The following TRIM37 variants were observed in gnomAD, a reference collection of about 807,000 sequenced individuals.
TRIM37 encodes E3 ubiquitin-protein ligase TRIM37.
A neutral mutation model predicts 129.8 loss-of-function variants in TRIM37; 80 were observed. The observed-to-expected ratio is 0.62, with a 90% CI of 0.51 to 0.74. The LOEUF (loss-of-function observed/expected upper bound fraction) is 0.74. TRIM37 is among the 30% of genes least tolerant of loss of function. The pLI is 0.00. For synonymous variants in TRIM37, 389 were observed against 387.1 expected, an observed-to-expected ratio of 1.00 and a Z score of -0.06; for missense variants, 1,054 against 1,176.5, an observed-to-expected ratio of 0.90 and a Z score of 1.52.
chr17:59,032,254 G>A lies in TRIM37; in HGVS notation c.1754-164C>T, dbSNP rs530316117. Among the ~76,000 whole-genome samples, 6 of 152,192 alleles carry A rather than the reference G, an allele frequency of 3.9e-5. No homozygotes were observed. In the East Asian group the frequency reaches 7.7e-4, roughly 20 times the overall value. Reference sequence around the variant, plus strand: ...GAAAGAAGGAACCAGGGCCGGGCGCGGTGGCTCACGCCTGTAATCCCAGCA... The same window carrying A: ...GAAAGAAGGAACCAGGGCCGGGCGCAGTGGCTCACGCCTGTAATCCCAGCA... On this transcript the variant is annotated intron_variant, in intron 17 of 23. Transcript: ENST00000262294.
At position 59,012,372 on chromosome 17, in the gene TRIM37, A is replaced by G; in HGVS notation, c.2651T>C (p.Leu884Ser). ...AGCTCCTTCAGGTAGTACAGGCTGT[A>G]ACTCTCCAGTTTCAGAATTATTTTC... ...DLENNSETGE[L>S]QPVLPEGASA... The change falls in exon 22 of 24, where the codon TTA (leucine) becomes TCA (serine). Residue 884 changes from leucine to serine, a missense_variant. Physicochemically the swap from Leu to Ser is moderately radical, Grantham distance 145. Transcript: ENST00000262294. 6.2e-7 allele frequency: 1 copy of G among 1,613,346 alleles called. No homozygotes were observed. The highest frequency in any genetic ancestry group is 8.5e-7 in the Non-Finnish European group (1 of 1,179,968).
intron 8 of TRIM37, among the ~76,000 whole-genome samples, chr17:59,073,745 G>A (rs886342808): frequency 3.3e-5 from 5 of 152,162 alleles, no homozygotes; most frequent in African/African-American, 1.2e-4. Context: ...GACTACAGGT[G>A]TACACCCCAT....
At position 59,032,726 on chromosome 17, in the gene TRIM37, G is replaced by A. The variant is rs150205338; in HGVS notation, c.1754-636C>T. ...TGAGAGGTAAGGGTAAGGAGAAGGAGATTATATCCCATGACCACCTGGTTT... is the reference window on the plus strand; with the variant it reads ...TGAGAGGTAAGGGTAAGGAGAAGGAAATTATATCCCATGACCACCTGGTTT... On this transcript the variant is annotated intron_variant, in intron 17 of 23. Coordinates refer to ENST00000262294, the MANE Select transcript of TRIM37 (RefSeq NM_015294.6). Among the ~76,000 whole-genome samples, 140 of 152,130 alleles carry A rather than the reference G, an allele frequency of 9.2e-4. 3 individuals are homozygous for A. Among genetic ancestry groups the A allele is most frequent in the African/African-American group, 3.2e-3 (131 of 41,502 alleles).
At position 59,044,649 on chromosome 17, in the gene TRIM37, A is replaced by G. The variant is rs527295273; in HGVS notation, c.1668-2751T>C. ...TATTCTGTATACAATAGAGTATAACAACTACTTACATAGCATTTGCATTGT... is the reference window on the plus strand; with the variant it reads ...TATTCTGTATACAATAGAGTATAACGACTACTTACATAGCATTTGCATTGT... On this transcript the variant is annotated intron_variant, in intron 16 of 23. Coordinates refer to ENST00000262294, the MANE Select transcript of TRIM37 (RefSeq NM_015294.6). Among the ~76,000 whole-genome samples the G allele has an allele frequency of 2.4e-4, 37 of 152,380 alleles. 1 individual carries two copies. The South Asian group carries it at 6.6e-3, about 27-fold the overall frequency.
In TRIM37 at chr17:59,075,694, G is replaced by A. The variant is rs1160862100; in HGVS notation, c.637C>T (p.Gln213Ter). 6.2e-7 allele frequency: 1 copy of A among 1,610,956 alleles called. No individual in the cohort carries two copies. The highest frequency in any genetic ancestry group is 2.2e-5 in the East Asian group (1 of 44,858). The change falls in exon 8 of 24, where the codon CAA becomes TAA. Residue 213 changes from glutamine (Q) to a stop codon, truncating the protein, a stop_gained. Transcript: ENST00000262294. LOFTEE classifies it high-confidence loss of function. ...TLMGQKTSLTQETELLESLLQ... is the reference protein window; with the variant it reads ...TLMGQKTSLT ...AAGGATTCCAAAAGCTCTGTTTCTT[G>A]GGTTAGAGATGTCTTCTGACCTGAT...
At chr17:59,028,888 A>C (rs1031174966) in intron 18 of TRIM37, among the ~76,000 whole-genome samples, 165 bp from the exon 19 acceptor site, 1 of 152,256 alleles carries the variant, frequency 6.6e-6, no homozygotes, top group African/African-American at 2.4e-5. Context: ...AAAGATAAAG[A>C]ATCCTACCTT....
intron 2 of TRIM37, among the ~76,000 whole-genome samples, chr17:59,103,088 G>A (rs1599607630): frequency 1.3e-5 from 2 of 151,720 alleles, no homozygotes; most frequent in Non-Finnish European, 2.9e-5. Flanking sequence ...GGTCAGGATG[G>A]TCTCGAACTC....
At chr17:58,974,263 G>T in the TRIM37 span, among the ~76,000 whole-genome samples, 18 of 152,228 alleles carry the variant, frequency 1.2e-4, no homozygotes, top group Admixed American at 7.9e-4. Flanking sequence ...TTATTTCCAT[G>T]AATTTTAAAA....
intron 13 of TRIM37, 44 bp downstream of exon 13, chr17:59,056,831 A>T (rs1164556183): frequency 7.0e-7 from 1 of 1,429,104 alleles, no homozygotes. Context: ...TGATGATATT[A>T]TTTCCCCACA....
intron 19 of TRIM37, among the ~76,000 whole-genome samples, chr17:59,019,435 C>T (rs1365510545): frequency 1.3e-5 from 2 of 152,142 alleles, no homozygotes; most frequent in Non-Finnish European, 2.9e-5. Flanking sequence ...CCAGGCTGGG[C>T]GCAGTGGCTC....
Position 59,057,036 on chromosome 17 carries a change from C to G in TRIM37, c.1038G>C (p.Glu346Asp), listed in dbSNP as rs1205021212. The G allele has an allele frequency of 1.2e-6, 2 of 1,613,446 alleles. No homozygotes were observed. The highest frequency in any genetic ancestry group is 4.5e-5 in the East Asian group (2 of 44,784). The change falls in exon 13 of 24, where the codon GAG becomes GAC. Residue 346 changes from glutamate to aspartate, a missense_variant. Coordinates refer to ENST00000262294, the MANE Select transcript of TRIM37 (RefSeq NM_015294.6). ...GATCATTACAGGACTGGTGAACCAT[C>G]TCTACACGATATTCATATCTAAAAT... ...PETSKYEYRVEMVHQSCNDPT... is the reference protein window; with the variant it reads ...PETSKYEYRVDMVHQSCNDPT...
intron 24 of TRIM37, among the ~76,000 whole-genome samples, chr17:58,989,505 G>A (rs1353071921): frequency 6.6e-6 from 1 of 152,016 alleles, no homozygotes; most frequent in African/African-American, 2.4e-5. Flanking sequence ...AGATCATATG[G>A]GTGATTACAG....
intron 19 of TRIM37, among the ~76,000 whole-genome samples, chr17:59,024,866 A>C (rs1039049210): frequency 3.9e-5 from 6 of 152,232 alleles, no homozygotes; most frequent in Non-Finnish European, 8.8e-5. Flanking sequence ...TTCCAGTCAA[A>C]ATACTTTGGA....
intron 9 of TRIM37, among the ~76,000 whole-genome samples, chr17:59,068,461 G>A (rs1395282807): frequency 6.6e-6 from 1 of 152,096 alleles, no homozygotes; most frequent in East Asian, 1.9e-4. Context: ...ATGACCCTTA[G>A]GTCAAAATCT....
chr17:59,015,515 G>T, intron 21 of TRIM37, 95 bp downstream of exon 21: 1 of 1,255,152 alleles, frequency 8.0e-7, no homozygotes, highest in Non-Finnish European at 1.2e-6. Flanking sequence ...AATTAACAAG[G>T]TAGAAATTAA....
intron 22 of TRIM37, among the ~76,000 whole-genome samples, chr17:59,009,351 C>T (rs971451004): frequency 2.0e-5 from 3 of 152,110 alleles, no homozygotes; most frequent in East Asian, 1.9e-4. Flanking sequence ...TGGTCTCAAA[C>T]TCCTGACCTC....
intron 9 of TRIM37, among the ~76,000 whole-genome samples, chr17:59,066,991 T>C (rs1754164264): frequency 6.6e-6 from 1 of 152,294 alleles, no homozygotes; most frequent in Admixed American, 6.5e-5. Context: ...AAAATTTCTT[T>C]TGCGAAAGAA....
chr17:59,085,646 CTTAAA>C (rs1326370912), intron 4 of TRIM37, among the ~76,000 whole-genome samples: 1 of 152,072 alleles, frequency 6.6e-6, no homozygotes, highest in Non-Finnish European at 1.5e-5. Context: ...TCCTCAAAAA[CTTAAA>C]TTAAAAATAG....
chr17:58,982,473 T>C (rs992886722), downstream of TRIM37: 3 of 159,096 alleles, frequency 1.9e-5, no homozygotes, highest in Admixed American at 1.2e-4. Context: ...CAAGGGTGAG[T>C]GCTCTCGCTA....
Sources: gnomAD v4.1 joint callset for allele counts (sites outside exome capture counted in the v4.1 genomes callset) on GRCh38, gnomAD v4.1.1 for gene constraint, MANE v1.5 for transcripts, NCBI Gene and HGNC (gene_info 2026-07-23, HGNC 2026-07-21) for gene names.